Variants in DAB1 observed in about 807,000 individuals in gnomAD.
The protein encoded by DAB1 is disabled homolog 1.
A neutral mutation model predicts 64.6 loss-of-function variants in DAB1; 15 were observed. The observed-to-expected ratio is 0.23, with a 90% CI of 0.16 to 0.36. The LOEUF is 0.36. Ranked by LOEUF, DAB1 falls within the 10% of genes least tolerant of loss-of-function variation. The pLI is 1.00. For missense variants in DAB1, 596 were observed against 706.7 expected, an observed-to-expected ratio of 0.84 and a Z score of 1.78; for synonymous variants, 235 against 251.9, an observed-to-expected ratio of 0.93 and a Z score of 0.64.
intron 3 of DAB1, among the ~76,000 whole-genome samples, chr1:58,454,444 A>C (rs1645170777): frequency 6.6e-6 from 1 of 152,178 alleles, no homozygotes; most frequent in Admixed American, 6.5e-5. Flanking sequence ...AGACGCTTGC[A>C]GGAGTCGACC....
chr1:57,070,829 C>T (rs773928155), intron 7 of DAB1, 194 bp downstream of exon 7: 5 of 614,768 alleles, frequency 8.1e-6, no homozygotes, highest in East Asian at 5.6e-5. Flanking sequence ...CCCAAGATAC[C>T]GATGCCGGCC....
intron 14 of DAB1, among the ~76,000 whole-genome samples, chr1:57,006,632 A>G (rs1324957399): frequency 6.6e-6 from 1 of 152,148 alleles, no homozygotes; most frequent in Non-Finnish European, 1.5e-5. Flanking sequence ...ATAAAGGTCC[A>G]AGGAAGTGGG....
At chr1:58,288,652 A>T (rs1202199611) in intron 4 of DAB1, among the ~76,000 whole-genome samples, 1 of 152,228 alleles carries the variant, frequency 6.6e-6, no homozygotes, top group Non-Finnish European at 1.5e-5. Context: ...TGCCTGGTAC[A>T]TAATAAGTGA....
chr1:58,049,067 C>T, intron 5 of DAB1: 4 of 785,588 alleles, frequency 5.1e-6, no homozygotes, highest in Middle Eastern at 3.5e-4. Flanking sequence ...CCTTGTGTGG[C>T]CTTGCATTTG....
chr1:57,483,540 GGT>G (rs1243620227), intron 7 of DAB1, among the ~76,000 whole-genome samples: 1 of 151,962 alleles, frequency 6.6e-6, no homozygotes, highest in Non-Finnish European at 1.5e-5. Context: ...CCCAGTCTCG[GGT>G]ATGTCTTTAT....
intron 7 of DAB1, among the ~76,000 whole-genome samples, chr1:57,623,984 G>T (rs1471380037): frequency 1.3e-5 from 2 of 152,210 alleles, no homozygotes; most frequent in African/African-American, 2.4e-5. Flanking sequence ...AGCAGGCTAT[G>T]AAGACTTTGG....
rs144335817 is a variant in DAB1 at position 57,723,087 on chromosome 1, C to T, written n.552-73422G>A. ...ATATTGCAATCTTAGTTGCCCAATTCTCAGCTCCCAGGCCCTCCAAATTTA... is the reference window on the plus strand; with the variant it reads ...ATATTGCAATCTTAGTTGCCCAATTTTCAGCTCCCAGGCCCTCCAAATTTA... On this transcript the variant is annotated intron_variant and non_coding_transcript_variant, in intron 6 of 20. Coordinates refer to the DAB1 transcript ENST00000485760. 1.0e-3 allele frequency among the ~76,000 whole-genome samples: 155 copies of T among 152,318 alleles called. 1 individual carries two copies. The highest frequency in any genetic ancestry group is 3.6e-3 in the African/African-American group (150 of 41,586).
At chr1:58,370,414 T>G (rs1278957556) in intron 3 of DAB1, among the ~76,000 whole-genome samples, 1 of 135,616 alleles carries the variant, frequency 7.4e-6, no homozygotes, top group Non-Finnish European at 1.6e-5. Context: ...TGTGTGTGTG[T>G]GTGTATGCTA....
chr1:57,732,855 A>T (rs552871092), intron 6 of DAB1, among the ~76,000 whole-genome samples: 1 of 152,208 alleles, frequency 6.6e-6, no homozygotes, highest in Non-Finnish European at 1.5e-5. Flanking sequence ...CAGCCACTTC[A>T]TGTACCTTTA....
At chr1:57,914,577 CA>C (rs937898718) in intron 5 of DAB1, among the ~76,000 whole-genome samples, 5 of 151,204 alleles carry the variant, frequency 3.3e-5, no homozygotes, top group South Asian at 2.1e-4. Flanking sequence ...ATAATAACAA[CA>C]AAAAAAAGAA....
At chr1:58,174,736 T>C (rs1255156582) in intron 4 of DAB1, among the ~76,000 whole-genome samples, 1 of 152,206 alleles carries the variant, frequency 6.6e-6, no homozygotes. Flanking sequence ...ATCAGTGCTC[T>C]GTGTCTAGCT....
chr1:57,303,890 C>T (rs377714543), intron 1 of DAB1, among the ~76,000 whole-genome samples: 9 of 152,066 alleles, frequency 5.9e-5, no homozygotes, highest in Non-Finnish European at 1.2e-4. Flanking sequence ...CAGAAAAACT[C>T]CCCCCTGCCT....
Position 57,177,735 on chromosome 1 carries a change from CCTT to C in DAB1, c.68-32309_68-32307del, listed in dbSNP as rs560025729. 1.1e-3 allele frequency among the ~76,000 whole-genome samples: 169 copies of C among 152,248 alleles called. 2 individuals carry two copies. The highest frequency in any genetic ancestry group is 1.5e-3 in the Admixed American group (23 of 15,286). On this transcript the variant is annotated intron_variant, in intron 2 of 14. Transcript: ENST00000371236. ...TATTTTGTTTTGGTTTGGTTTTTCA[CCTT>C]CTTTTCCTAATCTGATCAAAGTACA...
chr1:58,385,957 C>T lies in DAB1; in HGVS notation n.258-42554G>A, dbSNP rs970056060. Among the ~76,000 whole-genome samples, 5 of 152,270 alleles carry T rather than the reference C, an allele frequency of 3.3e-5. No homozygotes were observed. In the South Asian group the frequency reaches 8.3e-4, roughly 25 times the overall value. On this transcript the variant is annotated intron_variant and non_coding_transcript_variant, in intron 3 of 20. Coordinates refer to the DAB1 transcript ENST00000485760. ...AAGATCTGACTGAGGAAAGACTCTA[C>T]GGAACAGATACTCAGCCAACTACAT...
intron 6 of DAB1, among the ~76,000 whole-genome samples, chr1:57,746,920 T>C (rs912167741): frequency 2.0e-5 from 3 of 152,190 alleles, no homozygotes; most frequent in African/African-American, 7.2e-5. Context: ...GTATTCTAGA[T>C]ATTTGCCCTG....
At chr1:57,930,563 T>C (rs1644939741) in intron 5 of DAB1, among the ~76,000 whole-genome samples, 1 of 152,222 alleles carries the variant, frequency 6.6e-6, no homozygotes, top group Non-Finnish European at 1.5e-5. Context: ...ATCAGAGTTT[T>C]ATAGTTTTTC....
chr1:58,344,443 G>A (rs1341747), intron 3 of DAB1, among the ~76,000 whole-genome samples: 52,128 of 151,914 alleles, frequency 0.34, 9,820 homozygotes, highest in East Asian at 0.6. Context: ...TTGGGAGTGT[G>A]GTGTGAGCTT....
exon 3 of DAB1, chr1:58,506,147 C>A (rs372478566): frequency 1.1e-6 from 1 of 872,392 alleles, no homozygotes; most frequent in Non-Finnish European, 2.0e-6. Context: ...GTTGGCCATG[C>A]AGGCTATCAA....
At chr1:58,073,587 G>C (rs1649408537) in intron 5 of DAB1, among the ~76,000 whole-genome samples, 1 of 152,186 alleles carries the variant, frequency 6.6e-6, no homozygotes. Flanking sequence ...TGAGTATATA[G>C]ACAGATTAAA....
Sources: gnomAD v4.1 joint callset for allele counts (sites outside exome capture counted in the v4.1 genomes callset) on GRCh38, gnomAD v4.1.1 for gene constraint, MANE v1.5 for transcripts, NCBI Gene and HGNC (gene_info 2026-07-23, HGNC 2026-07-21) for gene names.